The following SEC23IP variants were observed in gnomAD, a reference collection of about 807,000 sequenced individuals.
SEC23IP encodes SEC23-interacting protein.
Under a neutral mutation model 113.4 loss-of-function variants are expected in SEC23IP, and 70 were observed. The observed-to-expected ratio is 0.62, with a 90% confidence interval of 0.51 to 0.75. The LOEUF (loss-of-function observed/expected upper bound fraction) is 0.75. Ranked by LOEUF, SEC23IP falls within the 30% of genes least tolerant of loss-of-function variation. SEC23IP has a pLI of 0.00. For missense variants in SEC23IP, 1,160 were observed against 1,204.9 expected (o/e 0.96, Z 0.55); for synonymous variants, 398 against 421.0 (o/e 0.95, Z 0.67).
At chr10:119,900,492 T>A (rs1854445389) in intron 2 of SEC23IP, among the ~76,000 whole-genome samples, 1 of 151,982 alleles carries the variant, frequency 6.6e-6, no homozygotes, top group Non-Finnish European at 1.5e-5. Flanking sequence ...TTTTTATGTT[T>A]TGTAGAAATG....
At chr10:119,922,964 G>A (rs1290688533) in intron 12 of SEC23IP, among the ~76,000 whole-genome samples, 1 of 150,296 alleles carries the variant, frequency 6.7e-6, no homozygotes, top group Non-Finnish European at 1.5e-5. Context: ...ACAGAAAAAT[G>A]CTTGTCTCCG....
chr10:119,926,261 CA>C, intron 13 of SEC23IP, 34 bp downstream of exon 13: 1 of 1,543,224 alleles, frequency 6.5e-7, no homozygotes, highest in Admixed American at 1.8e-5. Flanking sequence ...CTACATAGTT[CA>C]TGTTGGAATC....
intron 1 of SEC23IP, among the ~76,000 whole-genome samples, chr10:119,894,915 T>TGTGTGTGTGTGTGTGA (rs1854223367): frequency 6.6e-6 from 1 of 151,332 alleles, no homozygotes; most frequent in Non-Finnish European, 1.5e-5. Flanking sequence ...TGTGTGTGTG[T>TGTGTGTGTGTGTGTGA]GTGTGTGTGT....
intron 18 of SEC23IP, among the ~76,000 whole-genome samples, chr10:119,939,442 G>A (rs1214448892): frequency 6.6e-6 from 1 of 152,130 alleles, no homozygotes; most frequent in Non-Finnish European, 1.5e-5. Context: ...AGCACTTTGG[G>A]AGGCCAAGGC....
chr10:119,930,463 C>T, intron 15 of SEC23IP, 32 bp downstream of exon 15: 1 of 1,297,324 alleles, frequency 7.7e-7, no homozygotes, highest in East Asian at 2.3e-5. Flanking sequence ...AACTTTTTTT[C>T]CTGTCATTTG....
At chr10:119,928,971 C>T (rs1254742385) in intron 13 of SEC23IP, among the ~76,000 whole-genome samples, 6 of 152,170 alleles carry the variant, frequency 3.9e-5, no homozygotes, top group Admixed American at 3.9e-4. Context: ...GTGAGCTTGG[C>T]ATTGTTATAA....
chr10:119,915,708 G>A (rs200922288), intron 7 of SEC23IP, 40 bp from the exon 8 acceptor site: 2 of 1,435,952 alleles, frequency 1.4e-6, no homozygotes, highest in Non-Finnish European at 1.9e-6. Context: ...CAAGCTAGGA[G>A]AATTTAATTT....
intron 6 of SEC23IP, among the ~76,000 whole-genome samples, chr10:119,912,433 A>G (rs1486295488): frequency 1.3e-5 from 2 of 151,820 alleles, no homozygotes; most frequent in East Asian, 1.9e-4. Context: ...GTGCCTGGCC[A>G]TATCTTTCTT....
chr10:119,904,064 G>C lies in SEC23IP; in HGVS notation c.908-20G>C. Reference sequence around the variant, plus strand: ...ATATGCCTTGCAGCAGTTAGGAAAAGTGTTAATTTTGTTCTCTAGTTCAGC... The same window carrying C: ...ATATGCCTTGCAGCAGTTAGGAAAACTGTTAATTTTGTTCTCTAGTTCAGC... On this transcript the variant is annotated intron_variant, in intron 3 of 18. Transcript: ENST00000369075. 6.2e-7 allele frequency: 1 copy of C among 1,611,472 alleles called. No homozygotes were observed. The highest frequency in any genetic ancestry group is 8.5e-7 in the Non-Finnish European group (1 of 1,177,940).
chr10:119,900,605 T>A (rs577773478), intron 2 of SEC23IP, among the ~76,000 whole-genome samples: 16 of 152,048 alleles, frequency 1.1e-4, no homozygotes, highest in African/African-American at 3.6e-4. Context: ...AATTATATAT[T>A]TTTTTGAGAC....
In SEC23IP at chr10:119,906,236, C is replaced by T. The variant is rs77952483; in HGVS notation, c.1101+1959C>T. 2.9e-3 allele frequency among the ~76,000 whole-genome samples: 413 copies of T among 142,704 alleles called. 3 individuals are homozygous for T. Among genetic ancestry groups the T allele is most frequent in the African/African-American group, 0.01 (388 of 38,462 alleles). 93.6% of individuals were successfully genotyped at this position (142,704 alleles called of 152,430 possible). A position where few individuals can be genotyped will look rare whatever the true frequency, so the allele number is the denominator to read the frequency against. On this transcript the variant is annotated intron_variant, in intron 4 of 18. Coordinates refer to ENST00000369075, the MANE Select transcript of SEC23IP (RefSeq NM_007190.4). ...TCTTGAGGCTGCAGTGAACTGTGAT[C>T]GTGTCACAGCACTTTAGCCTGGGCA...
chr10:119,909,165 T>G, intron 5 of SEC23IP, 35 bp downstream of exon 5: 1 of 1,355,272 alleles, frequency 7.4e-7, no homozygotes, highest in Non-Finnish European at 1.0e-6. Flanking sequence ...AGGTATTAAG[T>G]TCATTTTAAT....
At chr10:119,913,744 G>A (rs952155349) in intron 6 of SEC23IP, among the ~76,000 whole-genome samples, 6 of 151,408 alleles carry the variant, frequency 4.0e-5, no homozygotes, top group African/African-American at 4.9e-5. Flanking sequence ...CACGTGCCTC[G>A]GCCTCCTAAA....
intron 14 of SEC23IP, 138 bp downstream of exon 14, chr10:119,929,900 C>G: frequency 3.4e-6 from 2 of 587,894 alleles, no homozygotes; most frequent in Non-Finnish European, 5.9e-6. Flanking sequence ...CCTTCCATCA[C>G]AGCCTCCCAA....
intron 2 of SEC23IP, among the ~76,000 whole-genome samples, chr10:119,899,998 C>G (rs1221678270): frequency 2.0e-5 from 3 of 151,730 alleles, no homozygotes; most frequent in African/African-American, 7.3e-5. Flanking sequence ...TTCTCCTGCC[C>G]CTTCCTCCTG....
chr10:119,927,680 A>G lies in SEC23IP; in HGVS notation c.2313+1453A>G, dbSNP rs567237529. On this transcript the variant is annotated intron_variant, in intron 13 of 18. Coordinates refer to ENST00000369075, the MANE Select transcript of SEC23IP (RefSeq NM_007190.4). ...TTTTTAAATACCCTATTTCCAAATA[A>G]AGTCACATTATGAGGTATTAGGGGT... 2.0e-5 allele frequency among the ~76,000 whole-genome samples: 3 copies of G among 152,336 alleles called. No individual in the cohort carries two copies. The East Asian group carries it at 5.8e-4, about 29-fold the overall frequency.
rs147754339 is a variant in SEC23IP at position 119,929,676 on chromosome 10, A to C, written c.2383A>C (p.Met795Leu). The part of the protein sequence containing the change: ...IFFALGSPIA[M>L]FLTIRGVDRI... ...CTTTGCCTTGGGGTCTCCAATTGCTATGTTTCTCACTATTCGAGGAGTTGA... is the reference window on the plus strand; with the variant it reads ...CTTTGCCTTGGGGTCTCCAATTGCTCTGTTTCTCACTATTCGAGGAGTTGA... Residue 795 changes from methionine to leucine, a missense_variant, in exon 14 of 19, where the codon ATG (methionine) becomes CTG (leucine). Transcript: ENST00000369075. The C allele has an allele frequency of 1.2e-6, 2 of 1,605,682 alleles. No individual in the cohort carries two copies. The highest frequency in any genetic ancestry group is 3.3e-5 in the Admixed American group (2 of 60,016).
At chr10:119,920,825 A>C (rs537753145) in intron 11 of SEC23IP, 64 bp from the exon 12 acceptor site, 146 of 1,120,144 alleles carry the variant, frequency 1.3e-4, no homozygotes, top group Non-Finnish European at 1.8e-4. Flanking sequence ...TATAATTTTC[A>C]TATTCTCATT....
chr10:119,937,641 AAAAC>A (rs1288657098), intron 18 of SEC23IP, among the ~76,000 whole-genome samples: 1 of 152,030 alleles, frequency 6.6e-6, no homozygotes, highest in Admixed American at 6.6e-5. Context: ...AAAAAACAAA[AAAAC>A]AAAAAACATA....
Sources: gnomAD v4.1 joint callset for allele counts (sites outside exome capture counted in the v4.1 genomes callset) on GRCh38, gnomAD v4.1.1 for gene constraint, MANE v1.5 for transcripts, NCBI Gene and HGNC (gene_info 2026-07-23, HGNC 2026-07-21) for gene names.